The following CSMD1 variants were observed in gnomAD, a reference collection of about 807,000 sequenced individuals.
The protein encoded by CSMD1 is CUB and Sushi multiple domains 1, also known as CUB and sushi domain-containing protein 1.
CSMD1 carries 213 observed loss-of-function variants against 417.5 expected under a neutral mutation model. That is an observed-to-expected ratio of 0.51 (90% CI 0.46 to 0.57). CSMD1 has a LOEUF of 0.57. Ranked by LOEUF, CSMD1 falls within the 20% of genes least tolerant of loss-of-function variation. The pLI is 0.00. For synonymous variants in CSMD1, 2,862 were observed against 1,736.8 expected (o/e 1.65, Z -16.11); for missense variants, 6,923 against 4,529.7 (o/e 1.53, Z -15.17).
intron 1 of CSMD1, among the ~76,000 whole-genome samples, chr8:4,937,337 T>C (rs980534743): frequency 6.6e-6 from 1 of 152,224 alleles, no homozygotes; most frequent in African/African-American, 2.4e-5. Context: ...TGTTTGTTTT[T>C]GTAAAATAGT....
intron 3 of CSMD1, among the ~76,000 whole-genome samples, chr8:4,126,024 A>C (rs1563156373): frequency 1.3e-5 from 2 of 152,130 alleles, no homozygotes; most frequent in African/African-American, 4.8e-5. Flanking sequence ...TCCATGGATC[A>C]GCTGATACCA....
At chr8:3,887,653 T>C (rs999616075) in intron 5 of CSMD1, among the ~76,000 whole-genome samples, 3 of 152,182 alleles carry the variant, frequency 2.0e-5, no homozygotes, top group African/African-American at 7.2e-5. Flanking sequence ...GTTCCACACC[T>C]AGAGTTAAGA....
rs1802875241 is a variant in CSMD1, at chr8:4,637,231, C to T, written c.302+111G>A. 18 of 933,096 alleles carry T rather than the reference C, an allele frequency of 1.9e-5. No homozygotes were observed. The South Asian group carries it at 2.1e-4, about 11-fold the overall frequency. The allele number at this position is 933,096 out of a possible 1,614,324, so 57.8% of individuals were successfully genotyped here. A position where few individuals can be genotyped will look rare whatever the true frequency, so the allele number is the denominator to read the frequency against. Reference sequence around the variant, plus strand: ...TGAAGTCAGCGAGGCCACGAACCCACCGGAAGGAACCAACTCCGGACACAA... The same window carrying T: ...TGAAGTCAGCGAGGCCACGAACCCATCGGAAGGAACCAACTCCGGACACAA... On this transcript the variant is annotated intron_variant, in intron 2 of 69. Coordinates refer to ENST00000635120, the MANE Select transcript of CSMD1 (RefSeq NM_033225.6).
intron 3 of CSMD1, among the ~76,000 whole-genome samples, chr8:4,409,304 T>C (rs1418931021): frequency 6.6e-6 from 1 of 152,212 alleles, no homozygotes; most frequent in Non-Finnish European, 1.5e-5. Context: ...TCAATATATG[T>C]GTTTTTTCTT....
At chr8:3,272,628 C>G (rs537786275) in intron 26 of CSMD1, among the ~76,000 whole-genome samples, 2 of 137,520 alleles carry the variant, frequency 1.5e-5, no homozygotes, top group East Asian at 2.2e-4. Flanking sequence ...TTGTAGTTCT[C>G]CTTGAAGAGG....
chr8:3,590,119 A>T (rs1449331964), intron 8 of CSMD1, among the ~76,000 whole-genome samples: 1 of 152,172 alleles, frequency 6.6e-6, no homozygotes, highest in African/African-American at 2.4e-5. Flanking sequence ...ACATGTAGTA[A>T]TATAGAAAAA....
intron 12 of CSMD1, among the ~76,000 whole-genome samples, chr8:3,465,472 G>A (rs1816744343): frequency 6.6e-6 from 1 of 152,130 alleles, no homozygotes; most frequent in Admixed American, 6.5e-5. Context: ...GTGTCCTGAG[G>A]CAGCCCCCTC....
intron 41 of CSMD1, among the ~76,000 whole-genome samples, chr8:3,123,106 A>G (rs2129021439): frequency 6.6e-6 from 1 of 152,346 alleles, no homozygotes; most frequent in Non-Finnish European, 1.5e-5. Context: ...GAAAAACTAG[A>G]TGCTTAGAAA....
intron 8 of CSMD1, among the ~76,000 whole-genome samples, chr8:3,599,873 G>A (rs1199258382): frequency 6.6e-6 from 1 of 152,190 alleles, no homozygotes; most frequent in Admixed American, 6.5e-5. Context: ...AAAGTGTAAT[G>A]GAGTGAGATG....
chr8:4,410,331 C>G (rs1335085931), intron 3 of CSMD1, among the ~76,000 whole-genome samples: 3 of 152,176 alleles, frequency 2.0e-5, no homozygotes, highest in African/African-American at 7.2e-5. Context: ...ACAATGGTCA[C>G]ACTCATAGTG....
intron 1 of CSMD1, among the ~76,000 whole-genome samples, chr8:4,930,992 C>G (rs1316833983): frequency 1.3e-5 from 2 of 152,156 alleles, no homozygotes; most frequent in Admixed American, 6.5e-5. Flanking sequence ...AACAGTAAGA[C>G]AATATATGTA....
chr8:3,018,004 A>G (rs531530151), intron 52 of CSMD1, among the ~76,000 whole-genome samples: 2 of 152,098 alleles, frequency 1.3e-5, no homozygotes, highest in African/African-American at 2.4e-5. Flanking sequence ...ACATTTTTCA[A>G]TCCATTTTTT....
At chr8:4,701,897 G>T (rs913723335) in intron 1 of CSMD1, among the ~76,000 whole-genome samples, 1 of 152,132 alleles carries the variant, frequency 6.6e-6, no homozygotes, top group Non-Finnish European at 1.5e-5. Flanking sequence ...AGAACATGTG[G>T]CACACGTACA....
At chr8:3,108,135 C>A (rs1282161872) in intron 44 of CSMD1, among the ~76,000 whole-genome samples, 4 of 152,210 alleles carry the variant, frequency 2.6e-5, no homozygotes, top group Non-Finnish European at 5.9e-5. Flanking sequence ...TTGATAACGT[C>A]TGCCCTGTCC....
At chr8:4,586,804 G>C (rs1030082622) in intron 2 of CSMD1, among the ~76,000 whole-genome samples, 2 of 152,172 alleles carry the variant, frequency 1.3e-5, no homozygotes, top group Non-Finnish European at 2.9e-5. Flanking sequence ...CTGGGCTGCA[G>C]CTGTTCTGCA....
At chr8:4,767,992 G>C (rs1193757385) in intron 1 of CSMD1, among the ~76,000 whole-genome samples, 1 of 152,150 alleles carries the variant, frequency 6.6e-6, no homozygotes, top group Non-Finnish European at 1.5e-5. Flanking sequence ...GTGGAGCATG[G>C]TGGGCATTCA....
intron 25 of CSMD1, among the ~76,000 whole-genome samples, chr8:3,291,057 G>A (rs145250410): frequency 0.044 from 6,718 of 152,148 alleles, 223 homozygotes; most frequent in Admixed American, 0.092. Context: ...TTTGTCAAAG[G>A]CCTTTTCTGC....
At chr8:4,477,412 G>T (rs890215666) in intron 2 of CSMD1, among the ~76,000 whole-genome samples, 1 of 152,206 alleles carries the variant, frequency 6.6e-6, no homozygotes, top group African/African-American at 2.4e-5. Context: ...ACTTGGTGCT[G>T]AGCAAAATTG....
At chr8:4,420,189 C>T in intron 2 of CSMD1, 124 bp from the exon 3 acceptor site, 2 of 585,580 alleles carry the variant, frequency 3.4e-6, no homozygotes, top group South Asian at 4.0e-5. Context: ...GCATTAAACA[C>T]TTAGATAATC....
Sources: gnomAD v4.1 joint callset for allele counts (sites outside exome capture counted in the v4.1 genomes callset) on GRCh38, gnomAD v4.1.1 for gene constraint, MANE v1.5 for transcripts, NCBI Gene and HGNC (gene_info 2026-07-23, HGNC 2026-07-21) for gene names.